Variants in PEX5L observed in about 807,000 individuals in gnomAD.
PEX5L encodes the protein PEX5-related protein.
In PEX5L, 30 loss-of-function variants were observed where a neutral mutation model predicts 84.0. The ratio of observed to expected loss-of-function variants is 0.36; its 90% CI spans 0.27 to 0.48. PEX5L has a LOEUF of 0.48. Ranked by LOEUF, PEX5L falls within the 20% of genes least tolerant of loss-of-function variation. The pLI is 0.99. For synonymous variants in PEX5L, 270 were observed against 283.1 expected (o/e 0.95, Z 0.46); for missense variants, 533 against 754.6 (o/e 0.71, Z 3.44).
intron 1 of PEX5L, among the ~76,000 whole-genome samples, chr3:179,986,455 T>G (rs1786836467): frequency 6.9e-6 from 1 of 144,606 alleles, no homozygotes. Flanking sequence ...CAGGCTGGAG[T>G]GCAGTGGCGC....
At chr3:179,937,965 T>C (rs1228696390) in intron 2 of PEX5L, among the ~76,000 whole-genome samples, 1 of 152,036 alleles carries the variant, frequency 6.6e-6, no homozygotes, top group African/African-American at 2.4e-5. Flanking sequence ...CCACCTCTAC[T>C]TCCAGCGCTT....
In PEX5L at chr3:179,811,789, A is replaced by C. The variant is rs1028539542; in HGVS notation, c.1154+12T>G. 1.2e-6 allele frequency: 2 copies of C among 1,607,016 alleles called. No homozygotes were observed. The highest frequency in any genetic ancestry group is 1.7e-5 in the Admixed American group (1 of 59,990). ...CCACCAGGCCCATGATTTTGCACTT[A>C]GCTTCCTTTACCTCTGGAGGGCGAC... On this transcript the variant is annotated intron_variant, in intron 11 of 14. Transcript: ENST00000467460.
chr3:180,028,740 A>G (rs1290675987), intron 1 of PEX5L, among the ~76,000 whole-genome samples: 2 of 152,242 alleles, frequency 1.3e-5, no homozygotes, highest in African/African-American at 4.8e-5. Flanking sequence ...AAACTTTTTC[A>G]AAGGTTCTTT....
intron 7 of PEX5L, among the ~76,000 whole-genome samples, chr3:179,860,851 G>T (rs767029512): frequency 1.3e-5 from 2 of 152,200 alleles, no homozygotes; most frequent in Non-Finnish European, 2.9e-5. Context: ...CTAGTAAGTG[G>T]CAGGGCTGGT....
intron 9 of PEX5L, 61 bp from the exon 10 acceptor site, chr3:179,816,065 A>T (rs1725965682): frequency 3.3e-6 from 5 of 1,533,278 alleles, no homozygotes; most frequent in Non-Finnish European, 4.5e-6. Context: ...TCTCACATTC[A>T]ATAAGTTCTC....
At chr3:179,862,631 T>C (rs1391463304) in intron 7 of PEX5L, among the ~76,000 whole-genome samples, 1 of 152,128 alleles carries the variant, frequency 6.6e-6, no homozygotes, top group African/African-American at 2.4e-5. Flanking sequence ...AAAATAAACA[T>C]ATAAAAATTT....
In PEX5L at chr3:180,036,878, C is replaced by G. The variant is rs968325719; in HGVS notation, c.-279G>C. 1.9e-5 allele frequency: 10 copies of G among 535,224 alleles called. No homozygotes were observed. In the African/African-American group the frequency reaches 1.9e-4, roughly 10 times the overall value. The allele number at this position is 535,224 out of a possible 1,614,324, so 33.2% of individuals were successfully genotyped here. ...GCCAGGCTCTCCTGCAGGCGCGGGT[C>G]CTGCTCGCGGGGCGTCTCTAGAACT... On this transcript the variant is annotated 5_prime_UTR_variant, in exon 1 of 15. Coordinates refer to ENST00000467460, the MANE Select transcript of PEX5L (RefSeq NM_016559.3).
At chr3:179,986,235 G>A (rs1460966042) in intron 1 of PEX5L, among the ~76,000 whole-genome samples, 2 of 151,034 alleles carry the variant, frequency 1.3e-5, no homozygotes, top group African/African-American at 4.9e-5. Flanking sequence ...TAAACATTGT[G>A]GTTTGTTATA....
intron 7 of PEX5L, among the ~76,000 whole-genome samples, chr3:179,861,896 T>G (rs976619506): frequency 2.0e-5 from 3 of 152,252 alleles, no homozygotes; most frequent in African/African-American, 7.2e-5. Context: ...GTGTGATTTC[T>G]TGATATCATG....
chr3:179,932,633 G>C (rs1471697968), intron 2 of PEX5L, among the ~76,000 whole-genome samples: 1 of 151,804 alleles, frequency 6.6e-6, no homozygotes, highest in Non-Finnish European at 1.5e-5. Context: ...ATTTAAAATT[G>C]GAAAAATAAA....
chr3:179,817,494 AC>A (rs1726615876), intron 9 of PEX5L, among the ~76,000 whole-genome samples: 1 of 152,196 alleles, frequency 6.6e-6, no homozygotes, highest in Non-Finnish European at 1.5e-5. Context: ...TGCTGCATGT[AC>A]TTATTACCTT....
chr3:179,940,901 A>C (rs1419733383), intron 2 of PEX5L, among the ~76,000 whole-genome samples: 1 of 152,258 alleles, frequency 6.6e-6, no homozygotes, highest in Non-Finnish European at 1.5e-5. Flanking sequence ...AAAATGTAAG[A>C]AACAGGAGGG....
chr3:179,903,570 G>A (rs1199552277), intron 2 of PEX5L, among the ~76,000 whole-genome samples: 1 of 152,048 alleles, frequency 6.6e-6, no homozygotes, highest in Admixed American at 6.6e-5. Context: ...TCTGGACCCT[G>A]GATTAAGCAC....
chr3:180,015,109 G>C (rs76712530), intron 1 of PEX5L, among the ~76,000 whole-genome samples: 253 of 152,266 alleles, frequency 1.7e-3, no homozygotes, highest in African/African-American at 5.6e-3. Context: ...GGGGATTACC[G>C]GCAGAAAGGG....
At chr3:179,886,339 C>T (rs1755847792) in intron 4 of PEX5L, among the ~76,000 whole-genome samples, 1 of 152,136 alleles carries the variant, frequency 6.6e-6, no homozygotes, top group South Asian at 2.1e-4. Flanking sequence ...TGCCAAGTAC[C>T]ATTTAATTTC....
intron 1 of PEX5L, among the ~76,000 whole-genome samples, chr3:179,987,556 C>A (rs572266502): frequency 6.6e-6 from 1 of 152,284 alleles, no homozygotes; most frequent in African/African-American, 2.4e-5. Context: ...GGCTTAGCTG[C>A]AGTTCATGGA....
At chr3:180,026,136 T>TG (rs1790935064) in intron 1 of PEX5L, among the ~76,000 whole-genome samples, 1 of 106,040 alleles carries the variant, frequency 9.4e-6, no homozygotes, top group South Asian at 3.1e-4. Context: ...CAGCATTCTT[T>TG]TTTTTTTTTT....
intron 8 of PEX5L, among the ~76,000 whole-genome samples, chr3:179,856,868 G>A (rs911803751): frequency 3.3e-5 from 5 of 152,114 alleles, no homozygotes; most frequent in Non-Finnish European, 7.4e-5. Flanking sequence ...AAACTTACAG[G>A]GTTTTAGTAT....
chr3:179,986,305 T>G (rs1249201146), intron 1 of PEX5L, among the ~76,000 whole-genome samples: 3 of 151,914 alleles, frequency 2.0e-5, no homozygotes, highest in African/African-American at 7.2e-5. Flanking sequence ...TTGCATATTT[T>G]ATCACATTTC....
Sources: gnomAD v4.1 joint callset for allele counts (sites outside exome capture counted in the v4.1 genomes callset) on GRCh38, gnomAD v4.1.1 for gene constraint, MANE v1.5 for transcripts, NCBI Gene and HGNC (gene_info 2026-07-23, HGNC 2026-07-21) for gene names.